The following RFTN1 variants were observed in gnomAD, a reference collection of about 807,000 sequenced individuals.
RFTN1 encodes the protein raftlin.
A neutral mutation model predicts 46.5 loss-of-function variants in RFTN1; 26 were observed. The observed-to-expected ratio is 0.56, with a 90% CI of 0.41 to 0.78. The LOEUF is 0.78. Ranked by LOEUF, RFTN1 falls within the 30% of genes least tolerant of loss-of-function variation. The probability of loss-of-function intolerance (pLI) is 0.00; values close to 1 mark genes in which losing one functional copy is unlikely to be tolerated. For synonymous variants in RFTN1, 261 were observed against 284.2 expected, an observed-to-expected ratio of 0.92 and a Z score of 0.82; for missense variants, 693 against 718.7, an observed-to-expected ratio of 0.96 and a Z score of 0.41.
At position 16,374,656 on chromosome 3, in the gene RFTN1, G is replaced by T. The variant is rs2073674508; in HGVS notation, c.826+3062C>A. ...AGTGCTTGGAAGACTTGTTATTTTG[G>T]TGACGGTGAGAATGATTAGAATTTT... On this transcript the variant is annotated intron_variant, in intron 5 of 9. Transcript: ENST00000334133. This position sits in a 1 kb window ranked among gnomAD's most constrained non-coding sequence, Gnocchi z 5.4. Among the ~76,000 whole-genome samples, 3 of 152,192 alleles carry T rather than the reference G, an allele frequency of 2.0e-5. No homozygotes were observed. The highest frequency in any genetic ancestry group is 2.0e-4 in the Admixed American group (3 of 15,290).
At chr3:16,456,305 G>A (rs992262433) in intron 2 of RFTN1, among the ~76,000 whole-genome samples, 1 of 152,084 alleles carries the variant, frequency 6.6e-6, no homozygotes, top group African/African-American at 2.4e-5. Context: ...TGCCTAGCAA[G>A]TTAGAATAAA....
intron 1 of RFTN1, among the ~76,000 whole-genome samples, chr3:16,511,909 CAA>C (rs2076907942): frequency 6.6e-6 from 1 of 152,088 alleles, no homozygotes; most frequent in African/African-American, 2.4e-5. Flanking sequence ...AAAAAGCAAA[CAA>C]AGAAAAACCA....
In RFTN1 at chr3:16,451,752, A is replaced by T. The variant is rs1199571798; in HGVS notation, c.146-17715T>A. Among the ~76,000 whole-genome samples, 1 of 152,102 alleles carries T rather than the reference A, an allele frequency of 6.6e-6. No homozygotes were observed. The highest frequency in any genetic ancestry group is 6.5e-5 in the Admixed American group (1 of 15,274). On this transcript the variant is annotated intron_variant, in intron 2 of 9. Coordinates refer to ENST00000334133, the MANE Select transcript of RFTN1 (RefSeq NM_015150.2). The surrounding 1 kb of genome is among the most constrained non-coding windows in gnomAD (Gnocchi z 4.2). ...GCGTGATTTTTTTTTCCTTCCTCAC[A>T]ATTTCATAGATGGAAGATTCATTCT... is the stretch of plus-strand genomic sequence containing the variant.
intron 2 of RFTN1, among the ~76,000 whole-genome samples, chr3:16,444,387 T>C (rs1013795478): frequency 3.9e-5 from 6 of 152,244 alleles, no homozygotes; most frequent in Non-Finnish European, 5.9e-5. Flanking sequence ...TCTTAAGACT[T>C]AATTTCTTCA....
chr3:16,461,208 T>C (rs1222646361), intron 2 of RFTN1, among the ~76,000 whole-genome samples: 2 of 152,210 alleles, frequency 1.3e-5, no homozygotes, highest in African/African-American at 4.8e-5. Flanking sequence ...TCTGCTATAA[T>C]GAGTTTCTTA....
intron 7 of RFTN1, among the ~76,000 whole-genome samples, chr3:16,331,400 TTAAAG>T (rs1167290620): frequency 6.6e-6 from 1 of 152,240 alleles, no homozygotes; most frequent in Non-Finnish European, 1.5e-5. Flanking sequence ...ATTTTGTAAT[TTAAAG>T]TAAATCAAAA....
chr3:16,510,068 G>A (rs926674662), intron 1 of RFTN1, among the ~76,000 whole-genome samples: 7 of 152,190 alleles, frequency 4.6e-5, no homozygotes, highest in African/African-American at 1.7e-4. Context: ...TAGGGGACCC[G>A]AGGGGCACAG....
Position 16,448,517 on chromosome 3 carries a change from T to C in RFTN1, c.146-14480A>G, listed in dbSNP as rs1370453896. On this transcript the variant is annotated intron_variant, in intron 2 of 9. Transcript: ENST00000334133. The surrounding 1 kb of genome is among the most constrained non-coding windows in gnomAD (Gnocchi z 4.1). ...ACAAGCTGTCACAACCCTTACAATG[T>C]GGGATCAAAAGAGTAACCTTCCTTG... Among the ~76,000 whole-genome samples the C allele has an allele frequency of 6.6e-6, 1 of 152,220 alleles. No individual in the cohort carries two copies. The highest frequency in any genetic ancestry group is 1.5e-5 in the Non-Finnish European group (1 of 68,042).
chr3:16,324,619 C>CCCCA (rs1553718087), intron 8 of RFTN1, among the ~76,000 whole-genome samples: 1 of 142,488 alleles, frequency 7.0e-6, no homozygotes, highest in Non-Finnish European at 1.5e-5. Context: ...CCTGACCCCC[C>CCCCA]CCCTTTTAAG....
Position 16,475,343 on chromosome 3 carries a change from G to A in RFTN1, c.145+18382C>T, listed in dbSNP as rs2076263577. 6.6e-6 allele frequency among the ~76,000 whole-genome samples: 1 copy of A among 152,192 alleles called. No individual in the cohort carries two copies. Among genetic ancestry groups the A allele is most frequent in the South Asian group, 2.1e-4 (1 of 4,824 alleles). On this transcript the variant is annotated intron_variant, in intron 2 of 9. Coordinates refer to ENST00000334133, the MANE Select transcript of RFTN1 (RefSeq NM_015150.2). The surrounding 1 kb of genome is among the most constrained non-coding windows in gnomAD (Gnocchi z 4.2). ...AGTATGTTTAGAGTTTTGCTTACCA[G>A]CCCCACAATTTTTGAATCTGCAGAT...
intron 2 of RFTN1, among the ~76,000 whole-genome samples, chr3:16,435,445 C>T (rs1374703622): frequency 6.6e-6 from 1 of 152,128 alleles, no homozygotes; most frequent in Non-Finnish European, 1.5e-5. Flanking sequence ...TGGTGCATGC[C>T]TGTAATCCCA....
chr3:16,493,102 C>T (rs138485919), intron 2 of RFTN1, among the ~76,000 whole-genome samples: 40 of 152,342 alleles, frequency 2.6e-4, no homozygotes, highest in African/African-American at 9.1e-4. Context: ...GGAGAGAAGG[C>T]AAACCTTCCT....
rs1393678922 is a variant in RFTN1, at chr3:16,329,571, C to G, written c.1147-2695G>C. ...CGCACACCTCCCTTCCAGACCAGCA[C>G]AGCCCGTATTCCTCCTGCTGGGTGC... On this transcript the variant is annotated intron_variant, in intron 7 of 9. Coordinates refer to ENST00000334133, the MANE Select transcript of RFTN1 (RefSeq NM_015150.2). The surrounding 1 kb of genome is among the most constrained non-coding windows in gnomAD (Gnocchi z 4.5). Among the ~76,000 whole-genome samples, 3 of 152,166 alleles carry G rather than the reference C, an allele frequency of 2.0e-5. No individual in the cohort carries two copies. Among genetic ancestry groups the G allele is most frequent in the Admixed American group, 6.5e-5 (1 of 15,280 alleles).
At chr3:16,482,795 T>C (rs1170039528) in intron 2 of RFTN1, 6 of 1,536,108 alleles carry the variant, frequency 3.9e-6, no homozygotes, top group Non-Finnish European at 5.2e-6. Flanking sequence ...GCTGCAGGGA[T>C]CCCCAGAGAG....
chr3:16,435,917 AATATAT>A (rs10575645), intron 2 of RFTN1, among the ~76,000 whole-genome samples: 11,957 of 142,296 alleles, frequency 0.084, 653 homozygotes, highest in Middle Eastern at 0.14. Context: ...CAGAGATGTA[AATATAT>A]ATATATATAT....
rs561111693 is a variant in RFTN1, at chr3:16,499,166, T to A, written c.-8-5289A>T. Reference sequence around the variant, plus strand: ...CTCTCACATGGGTCAAAGTCTCTAGTAAGGTGGAAGGTAAATGGTAAGTAG... The same window carrying A: ...CTCTCACATGGGTCAAAGTCTCTAGAAAGGTGGAAGGTAAATGGTAAGTAG... On this transcript the variant is annotated intron_variant, in intron 1 of 9. Coordinates refer to ENST00000334133, the MANE Select transcript of RFTN1 (RefSeq NM_015150.2). The surrounding 1 kb of genome is among the most constrained non-coding windows in gnomAD (Gnocchi z 4.9). 6.6e-6 allele frequency among the ~76,000 whole-genome samples: 1 copy of A among 152,210 alleles called. No homozygotes were observed. The highest frequency in any genetic ancestry group is 1.5e-5 in the Non-Finnish European group (1 of 68,032).
At chr3:16,403,049 T>G (rs1009203863) in intron 4 of RFTN1, among the ~76,000 whole-genome samples, 6 of 152,132 alleles carry the variant, frequency 3.9e-5, no homozygotes, top group African/African-American at 1.4e-4. Flanking sequence ...CGAGGCAATT[T>G]CCATCAGCAG....
intron 3 of RFTN1, among the ~76,000 whole-genome samples, chr3:16,430,711 T>C (rs888333283): frequency 6.6e-6 from 1 of 152,206 alleles, no homozygotes; most frequent in Non-Finnish European, 1.5e-5. Flanking sequence ...AATTTCCTTC[T>C]CTGGATCTGC....
In RFTN1 at chr3:16,494,646, C is replaced by T. The variant is rs1054087898; in HGVS notation, c.-8-769G>A. 3.3e-5 allele frequency among the ~76,000 whole-genome samples: 5 copies of T among 152,270 alleles called. No homozygotes were observed. The East Asian group carries it at 7.7e-4, about 23-fold the overall frequency. Reference sequence around the variant, plus strand: ...AATAAAGAAATGTTAAAGTAATGGGCACATTAAGGTGAGCTGAGCTTCCAA... The same window carrying T: ...AATAAAGAAATGTTAAAGTAATGGGTACATTAAGGTGAGCTGAGCTTCCAA... On this transcript the variant is annotated intron_variant, in intron 1 of 9. Transcript: ENST00000334133.
Sources: gnomAD v4.1 joint callset for allele counts (sites outside exome capture counted in the v4.1 genomes callset) on GRCh38, gnomAD v4.1.1 for gene constraint, Gnocchi (gnomAD v3.1) non-coding constraint, MANE v1.5 for transcripts, NCBI Gene and HGNC (gene_info 2026-07-23, HGNC 2026-07-21) for gene names.